CAMTA1: variants seen among roughly 807,000 people sequenced by gnomAD.
CAMTA1 encodes calmodulin binding transcription activator 1.
A neutral mutation model predicts 170.9 loss-of-function variants in CAMTA1; 27 were observed. That is an observed-to-expected ratio of 0.16 (90% CI 0.12 to 0.22). The LOEUF (loss-of-function observed/expected upper bound fraction) is 0.22, where lower values mean the gene tolerates loss of function less well. Among genes scored for constraint, CAMTA1 ranks in the 10% least tolerant of loss-of-function variants. The pLI is 1.00. For synonymous variants in CAMTA1, 833 were observed against 891.5 expected (o/e 0.93, Z 1.17); for missense variants, 1,619 against 2,217.2 (o/e 0.73, Z 5.42).
intron 3 of CAMTA1, among the ~76,000 whole-genome samples, chr1:7,054,261 T>A (rs1046037110): frequency 3.3e-5 from 5 of 152,174 alleles, no homozygotes; most frequent in African/African-American, 1.2e-4. Context: ...GGACAGCTCA[T>A]GTCCTCCCCC....
intron 6 of CAMTA1, among the ~76,000 whole-genome samples, chr1:7,478,604 T>C (rs2093462405): frequency 6.6e-6 from 1 of 152,242 alleles, no homozygotes; most frequent in Admixed American, 6.5e-5. Flanking sequence ...CTCTTAATCC[T>C]TCCGTCGGCA....
At chr1:7,627,668 T>A (rs554373242) in intron 6 of CAMTA1, among the ~76,000 whole-genome samples, 1 of 152,296 alleles carries the variant, frequency 6.6e-6, no homozygotes, top group African/African-American at 2.4e-5. Flanking sequence ...GAGCACACAC[T>A]CTCTACCACT....
intron 5 of CAMTA1, among the ~76,000 whole-genome samples, chr1:7,411,646 G>C (rs2090766136): frequency 6.6e-6 from 1 of 151,478 alleles, no homozygotes; most frequent in South Asian, 2.1e-4. Context: ...GATCTTTGAA[G>C]AAGTACCAGC....
chr1:7,506,350 AG>A (rs1186217443), intron 6 of CAMTA1, among the ~76,000 whole-genome samples: 1 of 152,170 alleles, frequency 6.6e-6, no homozygotes, highest in Non-Finnish European at 1.5e-5. Context: ...CCCCACTCCC[AG>A]GGGGAAGGTT....
rs1334966125 is a variant in CAMTA1 at position 7,014,043 on chromosome 1, C to G, written c.235-77261C>G. On this transcript the variant is annotated intron_variant, in intron 3 of 22. Transcript: ENST00000303635. The surrounding 1 kb of genome is among the most constrained non-coding windows in gnomAD (Gnocchi z 4.2). ...TAAAAATACAGTTCTTAAAATAGAC[C>G]AGTCCATGTGGGAGATAGGGAACCT... Among the ~76,000 whole-genome samples the G allele has an allele frequency of 2.6e-5, 4 of 152,350 alleles. No homozygotes were observed. The highest frequency in any genetic ancestry group is 6.8e-3 in the Middle Eastern group (2 of 294).
chr1:7,661,424 G>A (rs187938501), intron 7 of CAMTA1, among the ~76,000 whole-genome samples: 30 of 152,282 alleles, frequency 2.0e-4, no homozygotes, highest in Admixed American at 5.9e-4. Context: ...TGGAAGAGCC[G>A]CCTCGTGCAC....
chr1:6,951,934 G>A (rs1357949931), intron 3 of CAMTA1, among the ~76,000 whole-genome samples: 2 of 152,174 alleles, frequency 1.3e-5, no homozygotes, highest in Non-Finnish European at 2.9e-5. Flanking sequence ...GAGGTGTTGC[G>A]TTCCGTCTCT....
At chr1:7,192,833 G>A (rs767216683) in intron 4 of CAMTA1, among the ~76,000 whole-genome samples, 24 of 152,288 alleles carry the variant, frequency 1.6e-4, no homozygotes, top group African/African-American at 5.8e-4. Flanking sequence ...CAGCGTCACC[G>A]GAAGGAAAAG....
intron 6 of CAMTA1, among the ~76,000 whole-genome samples, chr1:7,591,724 G>A (rs1345974585): frequency 2.0e-5 from 3 of 152,100 alleles, no homozygotes; most frequent in Non-Finnish European, 4.4e-5. Flanking sequence ...CCTGCCCCGC[G>A]GGTCTCAGTT....
intron 3 of CAMTA1, among the ~76,000 whole-genome samples, chr1:6,935,437 G>A (rs1685137819): frequency 6.6e-6 from 1 of 152,110 alleles, no homozygotes; most frequent in Non-Finnish European, 1.5e-5. Context: ...ATCATTCCAT[G>A]CCACATCTCT....
chr1:7,606,845 G>C (rs2095490164), intron 6 of CAMTA1, among the ~76,000 whole-genome samples: 1 of 152,216 alleles, frequency 6.6e-6, no homozygotes, highest in African/African-American at 2.4e-5. Context: ...CCCTGGGATG[G>C]CTGGGGAGGA....
intron 4 of CAMTA1, among the ~76,000 whole-genome samples, chr1:7,110,367 T>C (rs905807504): frequency 1.3e-5 from 2 of 152,182 alleles, no homozygotes; most frequent in African/African-American, 2.4e-5. Context: ...TTTTAGCCAC[T>C]GTGCTTCAGG....
At chr1:7,040,047 A>G (rs1704189455) in intron 3 of CAMTA1, among the ~76,000 whole-genome samples, 1 of 152,038 alleles carries the variant, frequency 6.6e-6, no homozygotes, top group African/African-American at 2.4e-5. Flanking sequence ...GGATACTTCA[A>G]TCTTCTTTAA....
intron 4 of CAMTA1, among the ~76,000 whole-genome samples, chr1:7,177,975 C>T (rs1651301275): frequency 6.6e-6 from 1 of 152,052 alleles, no homozygotes; most frequent in South Asian, 2.1e-4. Flanking sequence ...ACTGAACCCC[C>T]TCCCCACGCG....
At chr1:6,893,956 TCTTTC>T (rs1675111354) in intron 3 of CAMTA1, among the ~76,000 whole-genome samples, 1 of 152,230 alleles carries the variant, frequency 6.6e-6, no homozygotes, top group Non-Finnish European at 1.5e-5. Flanking sequence ...GATGGGCACT[TCTTTC>T]CTTTCCTTTC....
At chr1:7,656,138 T>C (rs754555027) in intron 7 of CAMTA1, among the ~76,000 whole-genome samples, 70 of 152,240 alleles carry the variant, frequency 4.6e-4, no homozygotes, top group Admixed American at 7.8e-4. Context: ...TTGTGTTCTT[T>C]ATGAATTTCC....
chr1:6,827,176 T>C (rs897614033), intron 3 of CAMTA1, among the ~76,000 whole-genome samples: 2 of 152,358 alleles, frequency 1.3e-5, no homozygotes, highest in Admixed American at 1.3e-4. Flanking sequence ...TTTGAGGATC[T>C]AGATGGGAAA....
intron 3 of CAMTA1, among the ~76,000 whole-genome samples, chr1:6,920,006 T>G (rs1308113175): frequency 1.3e-5 from 2 of 152,082 alleles, no homozygotes; most frequent in Non-Finnish European, 2.9e-5. Flanking sequence ...ATCTCATATC[T>G]TTACATTTCA....
intron 3 of CAMTA1, among the ~76,000 whole-genome samples, chr1:6,858,442 TGTG>T (rs142635550): frequency 0.63 from 70,467 of 112,708 alleles, 22,565 homozygotes; most frequent in Admixed American, 0.69. Flanking sequence ...AAGTGGTGTG[TGTG>T]GTGGTGGTGG....
Sources: gnomAD v4.1 joint callset for allele counts (sites outside exome capture counted in the v4.1 genomes callset) on GRCh38, gnomAD v4.1.1 for gene constraint, Gnocchi (gnomAD v3.1) non-coding constraint, MANE v1.5 for transcripts, NCBI Gene and HGNC (gene_info 2026-07-23, HGNC 2026-07-21) for gene names.